DUS4L: variants seen among roughly 807,000 people sequenced by gnomAD.
DUS4L encodes the protein dihydrouridine synthase 4 like, also known as tRNA-dihydrouridine(20a/20b) synthase [NAD(P)+]-like.
A neutral mutation model predicts 33.8 loss-of-function variants in DUS4L; 31 were observed. The observed-to-expected ratio is 0.92, with a 90% CI of 0.69 to 1.24. The LOEUF (loss-of-function observed/expected upper bound fraction) is 1.24. Among genes scored for constraint, DUS4L ranks in the 50% most tolerant of loss-of-function variants. The pLI is 0.00. For missense variants in DUS4L, 368 were observed against 388.6 expected (o/e 0.95, Z 0.45); for synonymous variants, 103 against 120.3 (o/e 0.86, Z 0.94).
At chr7:107,572,531 C>A (rs1293845054) in intron 4 of DUS4L, among the ~76,000 whole-genome samples, 1 of 152,132 alleles carries the variant, frequency 6.6e-6, no homozygotes, top group Non-Finnish European at 1.5e-5. Flanking sequence ...ACCTAGGAAG[C>A]TTTAATACAT....
intron 2 of DUS4L, among the ~76,000 whole-genome samples, chr7:107,566,562 A>C (rs745479036): frequency 2.0e-5 from 3 of 152,314 alleles, no homozygotes; most frequent in Middle Eastern, 3.4e-3. Context: ...ACAGAACAGG[A>C]TTCAAGAATT....
intron 3 of DUS4L, chr7:107,567,712 C>A: frequency 2.3e-6 from 1 of 440,532 alleles, no homozygotes; most frequent in Non-Finnish European, 4.5e-6. Context: ...TAATTACATT[C>A]ACATTGTTGT....
intron 3 of DUS4L, among the ~76,000 whole-genome samples, chr7:107,569,914 T>G (rs1381015224): frequency 1.3e-5 from 2 of 152,224 alleles, no homozygotes; most frequent in Non-Finnish European, 2.9e-5. Flanking sequence ...CATGCCTTAT[T>G]GCACTGACTA....
Position 107,577,867 on chromosome 7 carries a change from G to A in DUS4L, c.*307G>A. ...TAGATATTGGGGGGATGGGTAGAGT[G>A]GGAATTTTTTCCTAATCATGTTTTT... On this transcript the variant is annotated 3_prime_UTR_variant, in exon 8 of 8. Coordinates refer to ENST00000265720, the MANE Select transcript of DUS4L (RefSeq NM_181581.3). 1 of 188,424 alleles carries A rather than the reference G, an allele frequency of 5.3e-6. No homozygotes were observed. Among genetic ancestry groups the A allele is most frequent in the Admixed American group, 5.8e-5 (1 of 17,234 alleles). 11.7% of individuals were successfully genotyped at this position (188,424 alleles called of 1,614,324 possible). A position where few individuals can be genotyped will look rare whatever the true frequency, so the allele number is the denominator to read the frequency against.
At chr7:107,574,022 G>C (rs1191926433) in intron 5 of DUS4L, 1 of 755,104 alleles carries the variant, frequency 1.3e-6, no homozygotes, top group African/African-American at 1.8e-5. Flanking sequence ...TGACTGAAAT[G>C]ATGTATAGAC....
chr7:107,577,671 T>C lies in DUS4L; in HGVS notation c.*111T>C, dbSNP rs188514211. 14 of 1,238,310 alleles carry C rather than the reference T, an allele frequency of 1.1e-5. No homozygotes were observed. The highest frequency in any genetic ancestry group is 1.5e-5 in the Non-Finnish European group (14 of 911,618). 76.7% of individuals were successfully genotyped at this position (1,238,310 alleles called of 1,614,324 possible). A position where few individuals can be genotyped will look rare whatever the true frequency, so the allele number is the denominator to read the frequency against. ...CTCTCAAATTTTAGTATAAAAACAA[T>C]TCCTGGGAGCGTTTTTTAAAAATCA... On this transcript the variant is annotated 3_prime_UTR_variant, in exon 8 of 8. Transcript: ENST00000265720.
At chr7:107,574,346 CTTTTTTTTTTT>C (rs761005292) in intron 5 of DUS4L, among the ~76,000 whole-genome samples, 1 of 125,996 alleles carries the variant, frequency 7.9e-6, no homozygotes, top group African/African-American at 2.9e-5. Context: ...AATAATATTT[CTTTTTTTTTTT>C]TTTTTTTTGA....
At position 107,564,294 on chromosome 7, in the gene DUS4L, G is replaced by A. The variant is rs547198117; in HGVS notation, c.-111+85G>A. On this transcript the variant is annotated intron_variant, in intron 1 of 7. Coordinates refer to ENST00000265720, the MANE Select transcript of DUS4L (RefSeq NM_181581.3). ...AGGGGCCGCGCGGCGTAAGGCAGGA[G>A]AGCAGAGCGGAGGTTTCAGGGAGCT... The A allele has an allele frequency of 4.8e-5, 22 of 460,786 alleles. No homozygotes were observed. In the South Asian group the frequency reaches 5.5e-4, roughly 11 times the overall value. The allele number at this position is 460,786 out of a possible 1,614,324, so 28.5% of individuals were successfully genotyped here.
At chr7:107,568,913 A>G (rs192831868) in intron 3 of DUS4L, among the ~76,000 whole-genome samples, 184 of 152,366 alleles carry the variant, frequency 1.2e-3, no homozygotes, top group Non-Finnish European at 2.1e-3. Flanking sequence ...TTGAAAGGCT[A>G]TCAGCCAGGC....
At chr7:107,575,144 C>A in intron 5 of DUS4L, 44 bp from the exon 6 acceptor site, 1 of 1,606,002 alleles carries the variant, frequency 6.2e-7, no homozygotes, top group Non-Finnish European at 8.5e-7. Context: ...GTCTTCTCTT[C>A]CAGTTATTTA....
chr7:107,575,362 G>C, intron 6 of DUS4L, 52 bp downstream of exon 6: 6 of 1,580,828 alleles, frequency 3.8e-6, no homozygotes, highest in Non-Finnish European at 5.2e-6. Context: ...CTTAGGAAAT[G>C]AAAGATTATT....
At chr7:107,568,680 T>C (rs1198444111) in intron 3 of DUS4L, among the ~76,000 whole-genome samples, 1 of 152,264 alleles carries the variant, frequency 6.6e-6, no homozygotes. Context: ...TAATGAAGTC[T>C]AACATCAATT....
intron 2 of DUS4L, among the ~76,000 whole-genome samples, chr7:107,566,124 A>G (rs1804667832): frequency 6.6e-6 from 1 of 152,106 alleles, no homozygotes. Context: ...TGGTGCTTCC[A>G]GCGGTTTCTT....
At chr7:107,565,044 A>T (rs1362138425) in intron 2 of DUS4L, among the ~76,000 whole-genome samples, 1 of 152,208 alleles carries the variant, frequency 6.6e-6, no homozygotes, top group Non-Finnish European at 1.5e-5. Flanking sequence ...TCTTTGTCTC[A>T]GAGGATTTTC....
At chr7:107,572,993 GA>G (rs1563114002) in intron 4 of DUS4L, among the ~76,000 whole-genome samples, 3 of 151,854 alleles carry the variant, frequency 2.0e-5, no homozygotes, top group African/African-American at 7.3e-5. Flanking sequence ...ACAACTAATG[GA>G]AAAATTATAT....
At chr7:107,573,985 A>T (rs1242954242) in intron 5 of DUS4L, 164 bp downstream of exon 5, 1 of 1,063,776 alleles carries the variant, frequency 9.4e-7, no homozygotes, top group African/African-American at 1.6e-5. Flanking sequence ...TGTAATTTAG[A>T]AACATAAATT....
chr7:107,563,995 C>T lies in DUS4L; in HGVS notation c.-325C>T, dbSNP rs55840928. 2.7e-3 allele frequency: 4,166 copies of T among 1,561,280 alleles called. 95 individuals are homozygous for T. The African/African-American group carries it at 0.047, about 18-fold the overall frequency. ...CGCCCGCCCACCCAGCCCATGGCTC[C>T]AGGCCCACCTGGCGAACTGACTCTC... On this transcript the variant is annotated 5_prime_UTR_variant, in exon 1 of 8. Coordinates refer to ENST00000265720, the MANE Select transcript of DUS4L (RefSeq NM_181581.3).
intron 4 of DUS4L, among the ~76,000 whole-genome samples, chr7:107,573,459 A>G (rs969793767): frequency 2.0e-5 from 3 of 152,202 alleles, no homozygotes; most frequent in African/African-American, 7.2e-5. Flanking sequence ...AAGAGGGTCT[A>G]TTTTGTCAAA....
At chr7:107,573,069 CTGTA>C (rs1326846646) in intron 4 of DUS4L, among the ~76,000 whole-genome samples, 2 of 152,086 alleles carry the variant, frequency 1.3e-5, no homozygotes. Flanking sequence ...TGGATATACA[CTGTA>C]TGATAAGTTG....
Sources: gnomAD v4.1 joint callset for allele counts (sites outside exome capture counted in the v4.1 genomes callset) on GRCh38, gnomAD v4.1.1 for gene constraint, MANE v1.5 for transcripts, NCBI Gene and HGNC (gene_info 2026-07-23, HGNC 2026-07-21) for gene names.